The following ARHGAP18 variants were observed in gnomAD, a reference collection of about 807,000 sequenced individuals.
ARHGAP18 encodes the protein rho GTPase-activating protein 18.
Under a neutral mutation model 86.2 loss-of-function variants are expected in ARHGAP18, and 67 were observed. That is an observed-to-expected ratio of 0.78 (90% confidence interval 0.64 to 0.95). ARHGAP18 has a LOEUF of 0.95. ARHGAP18 is among the 40% of genes least tolerant of loss of function. The probability of loss-of-function intolerance (pLI) is 0.00; values close to 1 mark genes in which losing one functional copy is unlikely to be tolerated. For synonymous variants in ARHGAP18, 283 were observed against 280.4 expected (o/e 1.01, Z -0.09); for missense variants, 691 against 780.4 (o/e 0.89, Z 1.37).
At chr6:129,618,951 A>T (rs1789154359) in intron 5 of ARHGAP18, 99 bp from the exon 6 acceptor site, 1 of 1,062,748 alleles carries the variant, frequency 9.4e-7, no homozygotes, top group South Asian at 1.7e-5. Context: ...TTATACTCAG[A>T]ATAAGTGATA....
chr6:129,645,762 C>CTT (rs143860674), intron 1 of ARHGAP18, among the ~76,000 whole-genome samples: 18 of 152,162 alleles, frequency 1.2e-4, no homozygotes, highest in African/African-American at 2.7e-4. Context: ...ATCATTTTGC[C>CTT]TTTTTTTACC....
chr6:129,639,078 T>G (rs1773393469), intron 2 of ARHGAP18, among the ~76,000 whole-genome samples: 1 of 152,188 alleles, frequency 6.6e-6, no homozygotes, highest in Non-Finnish European at 1.5e-5. Context: ...TCACTGTAGC[T>G]GACAGGAAGT....
chr6:129,593,573 G>A (rs958667650), intron 12 of ARHGAP18, among the ~76,000 whole-genome samples: 3 of 152,128 alleles, frequency 2.0e-5, no homozygotes, highest in Admixed American at 6.6e-5. Flanking sequence ...AGAAACTGAA[G>A]CCCACAGAGG....
chr6:129,667,377 T>C (rs1324434038), intron 1 of ARHGAP18, among the ~76,000 whole-genome samples: 4 of 151,896 alleles, frequency 2.6e-5, no homozygotes, highest in African/African-American at 9.7e-5. Flanking sequence ...CTTTAATAAA[T>C]GCTTTCTGCA....
At chr6:129,583,890 C>CAAAA in intron 13 of ARHGAP18, 98 bp downstream of exon 13, 1 of 1,209,174 alleles carries the variant, frequency 8.3e-7, no homozygotes, top group Non-Finnish European at 1.1e-6. Flanking sequence ...ACAATTAAAA[C>CAAAA]AAAAAAAAAA....
At chr6:129,617,738 GC>G (rs748497850) in intron 6 of ARHGAP18, among the ~76,000 whole-genome samples, 1 of 152,156 alleles carries the variant, frequency 6.6e-6, no homozygotes, top group Non-Finnish European at 1.5e-5. Context: ...CTTTGTGTAA[GC>G]TAAAATACTC....
chr6:129,708,496 C>A (rs1381420698), intron 1 of ARHGAP18, among the ~76,000 whole-genome samples: 2 of 152,180 alleles, frequency 1.3e-5, no homozygotes, highest in African/African-American at 4.8e-5. Context: ...GGAGATGCAG[C>A]CCCAGACAAA....
chr6:129,582,373 A>G (rs529753993), intron 13 of ARHGAP18, among the ~76,000 whole-genome samples: 24 of 152,308 alleles, frequency 1.6e-4, no homozygotes, highest in African/African-American at 5.8e-4. Flanking sequence ...GAACAAAAGT[A>G]CAGACTAAAT....
intron 1 of ARHGAP18, among the ~76,000 whole-genome samples, chr6:129,683,217 A>G (rs976156205): frequency 4.0e-5 from 6 of 151,628 alleles, no homozygotes; most frequent in South Asian, 4.2e-4. Context: ...GACTACAGGC[A>G]CTCGCCACCA....
chr6:129,638,353 G>T (rs769698703), intron 3 of ARHGAP18, 41 bp downstream of exon 3: 5 of 1,538,760 alleles, frequency 3.2e-6, no homozygotes, highest in Non-Finnish European at 3.6e-6. Context: ...TTAATTGTAA[G>T]CAATTATTCC....
intron 12 of ARHGAP18, among the ~76,000 whole-genome samples, chr6:129,592,114 T>G (rs1480926806): frequency 3.3e-5 from 5 of 152,186 alleles, no homozygotes; most frequent in Non-Finnish European, 7.3e-5. Context: ...TTTTTTAATG[T>G]GGTATTTTTA....
At chr6:129,632,469 C>A (rs1584071436) in intron 4 of ARHGAP18, among the ~76,000 whole-genome samples, 1 of 152,108 alleles carries the variant, frequency 6.6e-6, no homozygotes, top group Non-Finnish European at 1.5e-5. Context: ...AAGAAAAGGA[C>A]AATGTTTTCC....
chr6:129,704,681 C>T (rs1453808252), intron 1 of ARHGAP18, among the ~76,000 whole-genome samples: 1 of 152,154 alleles, frequency 6.6e-6, no homozygotes, highest in East Asian at 1.9e-4. Flanking sequence ...AACTGAAACC[C>T]TGGCCCAAAC....
intron 1 of ARHGAP18, among the ~76,000 whole-genome samples, chr6:129,656,111 C>A (rs1243695648): frequency 1.3e-5 from 2 of 152,220 alleles, no homozygotes; most frequent in African/African-American, 4.8e-5. Context: ...CAACTACTGA[C>A]TCCCTATTAA....
At chr6:129,686,822 C>T (rs1385507489) in intron 1 of ARHGAP18, among the ~76,000 whole-genome samples, 3 of 141,952 alleles carry the variant, frequency 2.1e-5, no homozygotes, top group Non-Finnish European at 4.5e-5. Flanking sequence ...TGGAGTCTCG[C>T]TCTCGTGGCC....
At chr6:129,663,196 G>A (rs1031742808) in intron 1 of ARHGAP18, among the ~76,000 whole-genome samples, 1 of 152,096 alleles carries the variant, frequency 6.6e-6, no homozygotes, top group African/African-American at 2.4e-5. Flanking sequence ...GCTGTGACAG[G>A]GTTTAGAGCT....
intron 1 of ARHGAP18, among the ~76,000 whole-genome samples, chr6:129,670,395 G>C (rs1290165475): frequency 6.6e-6 from 1 of 152,130 alleles, no homozygotes; most frequent in Non-Finnish European, 1.5e-5. Flanking sequence ...CAAAGTTAAC[G>C]AAGTGGAAGA....
chr6:129,665,775 T>C (rs1048284208), intron 1 of ARHGAP18, among the ~76,000 whole-genome samples: 4 of 152,170 alleles, frequency 2.6e-5, no homozygotes, highest in African/African-American at 9.7e-5. Context: ...TTGATTAAAT[T>C]GCTTAACCTC....
chr6:129,597,730 GA>G (rs35896143), intron 12 of ARHGAP18, among the ~76,000 whole-genome samples: 110 of 143,860 alleles, frequency 7.6e-4, no homozygotes, highest in Middle Eastern at 3.7e-3. Context: ...CATAAGGAAA[GA>G]AAAAAAAAAA....
Sources: gnomAD v4.1 joint callset for allele counts (sites outside exome capture counted in the v4.1 genomes callset) on GRCh38, gnomAD v4.1.1 for gene constraint, MANE v1.5 for transcripts, NCBI Gene and HGNC (gene_info 2026-07-23, HGNC 2026-07-21) for gene names.